ZNF697: variants seen among roughly 807,000 people sequenced by gnomAD.
ZNF697 encodes the protein zinc finger protein 697.
A neutral mutation model predicts 32.4 loss-of-function variants in ZNF697; 23 were observed. The observed-to-expected ratio is 0.71, with a 90% CI of 0.51 to 1.01. The LOEUF (loss-of-function observed/expected upper bound fraction) is 1.01, where lower values mean the gene tolerates loss of function less well. Ranked by LOEUF, ZNF697 falls within the 50% of genes least tolerant of loss-of-function variation. ZNF697 has a pLI of 0.00. For missense variants in ZNF697, 930 were observed against 794.0 expected (o/e 1.17, Z -2.06); for synonymous variants, 418 against 337.2 (o/e 1.24, Z -2.62).
At chr1:119,625,680 T>C (rs1210316083) in intron 2 of ZNF697, among the ~76,000 whole-genome samples, 195 bp downstream of exon 2, 1 of 152,168 alleles carries the variant, frequency 6.6e-6, no homozygotes, top group Non-Finnish European at 1.5e-5. Flanking sequence ...TCTTCACAGC[T>C]CACCTCAGAC....
In ZNF697 at chr1:119,644,313, C is replaced by G. The variant is rs587758787; in HGVS notation, c.-38+3378G>C. ...AAAGGTCTTATTAGGGGTTCTGAAC[C>G]TGGCCTTTCCAACTGATGGTCATTA... On this transcript the variant is annotated intron_variant, in intron 1 of 2. Transcript: ENST00000421812. Among the ~76,000 whole-genome samples, 23 of 152,306 alleles carry G rather than the reference C, an allele frequency of 1.5e-4. No homozygotes were observed. The East Asian group carries it at 3.7e-3, about 24-fold the overall frequency.
intron 1 of ZNF697, among the ~76,000 whole-genome samples, chr1:119,628,065 G>C (rs1648648002): frequency 8.2e-6 from 1 of 121,618 alleles, no homozygotes; most frequent in Non-Finnish European, 1.7e-5. Flanking sequence ...CGTTGGCGGG[G>C]CGGGGGGCGG....
rs1165181446 is a variant in ZNF697 at position 119,647,938 on chromosome 1, A to T, written c.-285T>A. Among the ~76,000 whole-genome samples the T allele has an allele frequency of 3.3e-5, 5 of 152,136 alleles. No individual in the cohort carries two copies. The highest frequency in any genetic ancestry group is 7.4e-5 in the Non-Finnish European group (5 of 68,012). On this transcript the variant is annotated 5_prime_UTR_variant, in exon 1 of 3. It removes the in-frame stop codon of an upstream open reading frame in the 5' UTR. Coordinates refer to ENST00000421812, the MANE Select transcript of ZNF697 (RefSeq NM_001080470.2). The stretch of plus-strand genomic sequence containing the variant: ...AGGGGAGCGGACAACGGTCCACTTT[A>T]CGAGGCACAACTTCGCCCAGCCGTT...
intron 1 of ZNF697, among the ~76,000 whole-genome samples, chr1:119,633,195 A>T (rs1648826950): frequency 6.6e-6 from 1 of 152,258 alleles, no homozygotes; most frequent in Non-Finnish European, 1.5e-5. Flanking sequence ...AGTTGTGGCC[A>T]GACTCTCAAT....
rs752286916 is a variant in ZNF697, at chr1:119,622,849, G to A, written c.1494C>T (p.Cys498=). ...GGGAGCTCTGGATAAAGCTCTTGCC[G>A]CACTCGATGCACGTGTAGGGCTTCT... is the stretch of plus-strand genomic sequence containing the variant. ...TGEKPYTCIE[C]GKSFIQSSHL... is the part of the protein sequence containing the mutation. Residue 498 remains cysteine, a synonymous_variant, in exon 3 of 3, where the codon TGC becomes TGT. Transcript: ENST00000421812. 6.2e-7 allele frequency: 1 copy of A among 1,607,510 alleles called. No homozygotes were observed.
intron 1 of ZNF697, among the ~76,000 whole-genome samples, chr1:119,626,611 TTGCAAGTATTTTGGTTATCG>T (rs1553228845): frequency 6.6e-6 from 1 of 152,228 alleles, no homozygotes; most frequent in East Asian, 1.9e-4. Flanking sequence ...CACAGCAACC[TTGCAAGTATTTTGGTTATCG>T]TGCAAGTATT....
chr1:119,623,554 G>C lies in ZNF697; in HGVS notation c.789C>G (p.Cys263Trp). 1 of 1,524,470 alleles carries C rather than the reference G, an allele frequency of 6.6e-7. No individual in the cohort carries two copies. Among genetic ancestry groups the C allele is most frequent in the Non-Finnish European group, 8.8e-7 (1 of 1,138,412 alleles). The allele number at this position is 1,524,470 out of a possible 1,614,324, so 94.4% of individuals were successfully genotyped here. The change falls in exon 3 of 3, where the codon TGC becomes TGG. Residue 263 changes from cysteine to tryptophan, a missense_variant. Cys to Trp is a radical substitution (Grantham distance 215). Transcript: ENST00000421812. The stretch of plus-strand genomic sequence containing the variant: ...GGCTGAAGCCCTTGCCGCACTCCCC[G>C]CAGCGGAAGGGCTTTTCGCGCGGGG... ...ARPPREKPFR[C>W]GECGKGFSRN...
chr1:119,625,984 C>A lies in ZNF697; in HGVS notation c.117G>T (p.Met39Ile), dbSNP rs1272754216. The A allele has an allele frequency of 6.2e-7, 1 of 1,614,042 alleles. No homozygotes were observed. ...DREGDPEERE[M>I]GSNPHDTNKR... The stretch of plus-strand genomic sequence containing the variant: ...TGTTTGTGTCATGTGGATTAGAGCC[C>A]ATTTCTCTTTCTTCTGGGTCCCCTT... The change falls in exon 2 of 3, where the codon ATG becomes ATT. Residue 39 changes from methionine to isoleucine, a missense_variant. Transcript: ENST00000421812.
intron 1 of ZNF697, among the ~76,000 whole-genome samples, chr1:119,646,741 A>G (rs1315742967): frequency 6.6e-6 from 1 of 152,190 alleles, no homozygotes; most frequent in African/African-American, 2.4e-5. Flanking sequence ...GGGGGCATCA[A>G]CAAAAAATCA....
At chr1:119,629,261 G>T (rs1335311722) in intron 1 of ZNF697, among the ~76,000 whole-genome samples, 1 of 152,176 alleles carries the variant, frequency 6.6e-6, no homozygotes, top group African/African-American at 2.4e-5. Context: ...TACTCTAGAA[G>T]TAATAAAAAG....
intron 2 of ZNF697, among the ~76,000 whole-genome samples, chr1:119,625,384 A>G (rs1648547916): frequency 2.0e-5 from 3 of 152,240 alleles, no homozygotes; most frequent in Non-Finnish European, 2.9e-5. Flanking sequence ...AGCAGAGGCC[A>G]TGGGCACTTT....
chr1:119,624,006 A>T lies in ZNF697; in HGVS notation c.337T>A (p.Ser113Thr). 6.2e-7 allele frequency: 1 copy of T among 1,613,014 alleles called. No individual in the cohort carries two copies. The highest frequency in any genetic ancestry group is 8.5e-7 in the Non-Finnish European group (1 of 1,179,578). The change falls in exon 3 of 3, where the codon TCC becomes ACC. Residue 113 changes from serine to threonine, a missense_variant. Transcript: ENST00000421812. Reference protein sequence around the residue: ...FPGLSESDSISRSLREDDDES... With the variant: ...FPGLSESDSITRSLREDDDES... ...TCGTCGTCCTCCCGGAGGCTCCGGGATATGCTGTCAGACTCAGACAGTCCT... is the reference window on the plus strand; with the variant it reads ...TCGTCGTCCTCCCGGAGGCTCCGGGTTATGCTGTCAGACTCAGACAGTCCT...
chr1:119,643,887 G>C (rs1402528740), intron 1 of ZNF697, among the ~76,000 whole-genome samples: 1 of 152,128 alleles, frequency 6.6e-6, no homozygotes, highest in Non-Finnish European at 1.5e-5. Flanking sequence ...ACATGAAAAG[G>C]GTGAAAATTA....
At chr1:119,644,593 C>T (rs1273572921) in intron 1 of ZNF697, among the ~76,000 whole-genome samples, 5 of 152,232 alleles carry the variant, frequency 3.3e-5, no homozygotes, top group Non-Finnish European at 5.9e-5. Context: ...AGCTTCTTAG[C>T]TTCTCTCCAA....
rs1227382881 is a variant in ZNF697 at position 119,648,203 on chromosome 1, T to TGGCC, written c.-551_-550insGGCC. On this transcript the variant is annotated 5_prime_UTR_variant, in exon 1 of 3. Coordinates refer to ENST00000421812, the MANE Select transcript of ZNF697 (RefSeq NM_001080470.2). ...CTGGGTGGCCCGCTGGCTGGCTGGT[T>TGGCC]GGCTGGCTGGCTGGCTGGCTGGCTG... Among the ~76,000 whole-genome samples, 2 of 16,136 alleles carry TGGCC rather than the reference T, an allele frequency of 1.2e-4. No homozygotes were observed. The highest frequency in any genetic ancestry group is 8.6e-4 in the African/African-American group (2 of 2,318). The allele number at this position is 16,136 out of a possible 152,430, so 10.6% of individuals were successfully genotyped here.
intron 1 of ZNF697, 36 bp from the exon 2 acceptor site, chr1:119,626,173 T>G (rs1158064333): frequency 6.3e-7 from 1 of 1,582,390 alleles, no homozygotes; most frequent in Non-Finnish European, 8.6e-7. Context: ...GTCACGTCAG[T>G]CCGGTCTCAT....
Position 119,622,538 on chromosome 1 carries a change from A to G in ZNF697, c.*167T>C. On this transcript the variant is annotated 3_prime_UTR_variant, in exon 3 of 3. Coordinates refer to ENST00000421812, the MANE Select transcript of ZNF697 (RefSeq NM_001080470.2). The stretch of plus-strand genomic sequence containing the variant: ...GCAAGTATAGCACCGGGAAAGACCA[A>G]CTTACTCAACACTCCTCCCACTTCA... 1 of 1,305,286 alleles carries G rather than the reference A, an allele frequency of 7.7e-7. No individual in the cohort carries two copies. The highest frequency in any genetic ancestry group is 1.0e-6 in the Non-Finnish European group (1 of 989,728). The allele number at this position is 1,305,286 out of a possible 1,614,324, so 80.9% of individuals were successfully genotyped here. A position where few individuals can be genotyped will look rare whatever the true frequency, so the allele number is the denominator to read the frequency against.
rs369583228 is a variant in ZNF697, at chr1:119,622,888, G to A, written c.1455C>T (p.Arg485=). 2.5e-6 allele frequency: 4 copies of A among 1,610,084 alleles called. No individual in the cohort carries two copies. The African/African-American group carries it at 4.0e-5, about 16-fold the overall frequency. Residue 485 remains arginine (R), a synonymous_variant, in exon 3 of 3, where the codon CGC becomes CGT. Transcript: ENST00000421812. ...TGTAGGGCTTCTCGCCCGTGTGCGTGCGCTGGTGCTGCGTGAGCGTGGAGA... is the reference window on the plus strand; with the variant it reads ...TGTAGGGCTTCTCGCCCGTGTGCGTACGCTGGTGCTGCGTGAGCGTGGAGA... ...SDFSTLTQHQ[R]THTGEKPYTC...
At chr1:119,637,501 G>A (rs587669558) in intron 1 of ZNF697, among the ~76,000 whole-genome samples, 7 of 152,284 alleles carry the variant, frequency 4.6e-5, no homozygotes. Context: ...TAGAGGATGG[G>A]GCCACCCTTC....
Sources: allele counts gnomAD v4.1 joint callset (sites outside exome capture counted in the v4.1 genomes callset), GRCh38; gene constraint gnomAD v4.1.1; transcripts MANE v1.5; gene names NCBI Gene and HGNC (gene_info 2026-07-23, HGNC 2026-07-21).